The following MAML2 variants were observed in gnomAD, a reference collection of about 807,000 sequenced individuals.
MAML2 encodes the protein mastermind-like protein 2.
Under a neutral mutation model 96.1 loss-of-function variants are expected in MAML2, and 22 were observed. The ratio of observed to expected loss-of-function variants is 0.23; its 90% CI spans 0.16 to 0.33. The LOEUF (loss-of-function observed/expected upper bound fraction) is 0.33. MAML2 is among the 10% of genes least tolerant of loss of function. The probability of loss-of-function intolerance (pLI) is 1.00; values close to 1 mark genes in which losing one functional copy is unlikely to be tolerated. For missense variants in MAML2, 1,367 were observed against 1,392.4 expected, an observed-to-expected ratio of 0.98 and a Z score of 0.29; for synonymous variants, 561 against 521.3, an observed-to-expected ratio of 1.08 and a Z score of -1.04.
At chr11:96,243,524 T>TC (rs1190316850) in intron 1 of MAML2, among the ~76,000 whole-genome samples, 11 of 152,222 alleles carry the variant, frequency 7.2e-5, no homozygotes, top group African/African-American at 2.7e-4. Flanking sequence ...GCGAGAGCCA[T>TC]CACCTGAGAA....
At chr11:96,286,109 T>G (rs2135988903) in intron 1 of MAML2, among the ~76,000 whole-genome samples, 1 of 152,188 alleles carries the variant, frequency 6.6e-6, no homozygotes, top group East Asian at 1.9e-4. Context: ...ATAAAGAAAA[T>G]GTGGTACATA....
At chr11:96,193,197 T>C (rs942770336) in intron 1 of MAML2, among the ~76,000 whole-genome samples, 1 of 152,106 alleles carries the variant, frequency 6.6e-6, no homozygotes, top group Non-Finnish European at 1.5e-5. Flanking sequence ...TGAAACCCCA[T>C]CTCTACTAAA....
In MAML2 at chr11:96,210,364, C is replaced by A. The variant is rs528377177; in HGVS notation, c.514-116847G>T. Among the ~76,000 whole-genome samples, 393 of 152,326 alleles carry A rather than the reference C, an allele frequency of 2.6e-3. 3 individuals carry two copies. The highest frequency in any genetic ancestry group is 3.8e-3 in the Non-Finnish European group (258 of 68,026). On this transcript the variant is annotated intron_variant, in intron 1 of 4. Coordinates refer to ENST00000524717, the MANE Select transcript of MAML2 (RefSeq NM_032427.4). ...CCTCAGGTGATCTGCCCACCTCGGC[C>A]TCCCAAAGTGCTGGGATTACAGGCA... is the stretch of plus-strand genomic sequence containing the variant.
chr11:96,172,883 C>T (rs1174573300), intron 1 of MAML2, among the ~76,000 whole-genome samples: 1 of 152,152 alleles, frequency 6.6e-6, no homozygotes, highest in Non-Finnish European at 1.5e-5. Flanking sequence ...ATGAGTAGTT[C>T]TCTTTCATAT....
At position 96,093,018 on chromosome 11, in the gene MAML2, T is replaced by G; in HGVS notation, c.1013A>C (p.Asp338Ala). 1 of 1,614,010 alleles carries G rather than the reference T, an allele frequency of 6.2e-7. No homozygotes were observed. The highest frequency in any genetic ancestry group is 8.5e-7 in the Non-Finnish European group (1 of 1,179,886). Residue 338 changes from aspartate to alanine, a missense_variant, in exon 2 of 5, where the codon GAC (aspartate) becomes GCC (alanine). Physicochemically the swap from Asp to Ala is moderately radical, Grantham distance 126 (BLOSUM62 -2). Transcript: ENST00000524717. ...NMINATIKQD[D>A]PFNIDLGQQS... ...CTGACCCAAGTCAATGTTAAATGGG[T>G]CATCCTGCTTTATGGTGGCATTGAT...
At chr11:96,308,739 T>C (rs1390014873) in intron 1 of MAML2, among the ~76,000 whole-genome samples, 2 of 152,250 alleles carry the variant, frequency 1.3e-5, no homozygotes, top group Non-Finnish European at 2.9e-5. Flanking sequence ...TGACTAGCTA[T>C]AATAATGTAT....
intron 1 of MAML2, among the ~76,000 whole-genome samples, chr11:96,258,352 A>T (rs1862697755): frequency 6.6e-6 from 1 of 152,172 alleles, no homozygotes; most frequent in Admixed American, 6.5e-5. Context: ...AGCAAGAAAA[A>T]ATGTTTGTTT....
intron 1 of MAML2, among the ~76,000 whole-genome samples, chr11:96,095,947 C>A (rs967826156): frequency 6.6e-6 from 1 of 152,156 alleles, no homozygotes; most frequent in Non-Finnish European, 1.5e-5. Context: ...GTGTAGACAT[C>A]ATCACAGAAC....
chr11:96,002,219 T>C (rs1858088562), intron 2 of MAML2, among the ~76,000 whole-genome samples: 1 of 152,200 alleles, frequency 6.6e-6, no homozygotes, highest in Non-Finnish European at 1.5e-5. Flanking sequence ...TCCCAGGGTA[T>C]AGCAGACTCT....
chr11:96,251,951 C>T (rs1200659394), intron 1 of MAML2, among the ~76,000 whole-genome samples: 1 of 152,004 alleles, frequency 6.6e-6, no homozygotes, highest in East Asian at 1.9e-4. Flanking sequence ...CCAGGATGGT[C>T]TTGATCTCCT....
At chr11:96,088,044 G>T (rs940845335) in intron 2 of MAML2, among the ~76,000 whole-genome samples, 1 of 152,176 alleles carries the variant, frequency 6.6e-6, no homozygotes, top group African/African-American at 2.4e-5. Context: ...CTTAAGATTA[G>T]ATATATACAA....
intron 1 of MAML2, among the ~76,000 whole-genome samples, chr11:96,291,004 A>G (rs1488517272): frequency 6.7e-6 from 1 of 149,202 alleles, no homozygotes; most frequent in Non-Finnish European, 1.5e-5. Context: ...GAATCTGTCT[A>G]ACTTCTAAAG....
At chr11:96,085,168 A>ATGTGTG (rs36001457) in intron 2 of MAML2, among the ~76,000 whole-genome samples, 71 of 150,494 alleles carry the variant, frequency 4.7e-4, no homozygotes, top group African/African-American at 1.6e-3. Flanking sequence ...GGCTATGCGT[A>ATGTGTG]TGTGTGTGTG....
At chr11:96,297,560 C>A (rs1037044140) in intron 1 of MAML2, among the ~76,000 whole-genome samples, 4 of 152,018 alleles carry the variant, frequency 2.6e-5, no homozygotes, top group Admixed American at 6.6e-5. Context: ...GGAGCCTGGG[C>A]AACAGAACGA....
intron 1 of MAML2, among the ~76,000 whole-genome samples, chr11:96,206,819 A>T (rs1457995610): frequency 6.6e-6 from 1 of 152,196 alleles, no homozygotes; most frequent in Non-Finnish European, 1.5e-5. Context: ...TTATTTATCA[A>T]ATACTTTGGA....
chr11:96,102,042 T>C (rs12807797), intron 1 of MAML2, among the ~76,000 whole-genome samples: 105,815 of 151,972 alleles, frequency 0.7, 37,154 homozygotes, highest in East Asian at 0.98. Context: ...TTTGGGAGGC[T>C]GAGGCAGACG....
intron 1 of MAML2, among the ~76,000 whole-genome samples, chr11:96,232,752 G>T (rs1270327529): frequency 1.3e-5 from 2 of 152,200 alleles, no homozygotes; most frequent in African/African-American, 4.8e-5. Context: ...GATTAGAGGC[G>T]TGAGCCACCG....
chr11:96,078,928 A>C (rs929850062), intron 2 of MAML2, among the ~76,000 whole-genome samples: 2 of 152,162 alleles, frequency 1.3e-5, no homozygotes, highest in African/African-American at 4.8e-5. Flanking sequence ...TGGAGCTTGG[A>C]GTAGTCTGCT....
chr11:96,137,151 A>G (rs1591033747), intron 1 of MAML2, among the ~76,000 whole-genome samples: 1 of 152,332 alleles, frequency 6.6e-6, no homozygotes, highest in East Asian at 1.9e-4. Context: ...GTTAAAAGGG[A>G]AGGAAATGTT....
Sources: allele counts gnomAD v4.1 joint callset (sites outside exome capture counted in the v4.1 genomes callset), GRCh38; gene constraint gnomAD v4.1.1; transcripts MANE v1.5; gene names NCBI Gene and HGNC (gene_info 2026-07-23, HGNC 2026-07-21).